The following RNF212B variants were observed in gnomAD, a reference collection of about 807,000 sequenced individuals.
RNF212B encodes ring finger protein 212B, also known as E3 ubiquitin-protein ligase RNF212B.
A neutral mutation model predicts 55.5 loss-of-function variants in RNF212B; 52 were observed. The observed-to-expected ratio is 0.94, with a 90% CI of 0.75 to 1.18. The LOEUF (loss-of-function observed/expected upper bound fraction) is 1.18, where lower values mean the gene tolerates loss of function less well. Among genes scored for constraint, RNF212B ranks in the 50% most tolerant of loss-of-function variants. The probability of loss-of-function intolerance (pLI) is 0.00; values close to 1 mark genes in which losing one functional copy is unlikely to be tolerated. For missense variants in RNF212B, 289 were observed against 350.4 expected (o/e 0.82, Z 1.40); for synonymous variants, 99 against 121.4 (o/e 0.82, Z 1.21).
chr14:23,199,801 T>C (rs1422236635), intron 2 of RNF212B, among the ~76,000 whole-genome samples: 1 of 152,154 alleles, frequency 6.6e-6, no homozygotes, highest in South Asian at 2.1e-4. Context: ...GGCAGGTATG[T>C]AAATTGGTTG....
chr14:23,262,835 A>G (rs774725197), intron 8 of RNF212B, 93 bp from the exon 9 acceptor site: 261 of 1,451,908 alleles, frequency 1.8e-4, no homozygotes, highest in Non-Finnish European at 2.2e-4. Context: ...TGAAAACATT[A>G]TATAACCAGA....
intron 14 of RNF212B, 27 bp downstream of exon 14, chr14:23,270,688 T>C: frequency 1.3e-6 from 2 of 1,499,002 alleles, no homozygotes; most frequent in Non-Finnish European, 1.8e-6. Context: ...CTAACTTGTC[T>C]GTGCATAAAA....
intron 4 of RNF212B, among the ~76,000 whole-genome samples, chr14:23,247,195 T>C (rs1160101642): frequency 6.6e-6 from 1 of 152,132 alleles, no homozygotes; most frequent in Admixed American, 6.6e-5. Context: ...TCTACTTTTT[T>C]TTTTAGGTCC....
intron 11 of RNF212B, among the ~76,000 whole-genome samples, chr14:23,265,983 G>T (rs1003905065): frequency 6.6e-6 from 1 of 151,892 alleles, no homozygotes; most frequent in African/African-American, 2.4e-5. Flanking sequence ...TTGTTCATTT[G>T]TGTTTTTTTT....
At chr14:23,193,091 T>TA (rs3045528) in intron 1 of RNF212B, among the ~76,000 whole-genome samples, 1,541 of 112,952 alleles carry the variant, frequency 0.014, 22 homozygotes, top group Middle Eastern at 0.041. Flanking sequence ...AAACTCTGTC[T>TA]AAAAAAAAAA....
chr14:23,192,955 G>A (rs1215369342), intron 1 of RNF212B, among the ~76,000 whole-genome samples: 2 of 151,954 alleles, frequency 1.3e-5, no homozygotes, highest in African/African-American at 4.8e-5. Flanking sequence ...AGCCGGGCAT[G>A]GTGGCACATG....
chr14:23,198,046 G>T (rs942176810), intron 2 of RNF212B, among the ~76,000 whole-genome samples: 1 of 152,182 alleles, frequency 6.6e-6, no homozygotes, highest in Admixed American at 6.5e-5. Flanking sequence ...AATGTCATCA[G>T]TTAAGGCTGT....
At chr14:23,210,415 C>G (rs764230589) in intron 2 of RNF212B, among the ~76,000 whole-genome samples, 1 of 152,174 alleles carries the variant, frequency 6.6e-6, no homozygotes, top group African/African-American at 2.4e-5. Context: ...GAGATTTGAA[C>G]AAAGTCTGGA....
Position 23,213,579 on chromosome 14 carries a change from C to T in RNF212B, c.-2+20178C>T, listed in dbSNP as rs548816407. Reference sequence around the variant, plus strand: ...ACTGCAGAGAGCTAAACTTCCACCCCGACTCGGCAGCAAGAAGGTGGTGGG... The same window carrying T: ...ACTGCAGAGAGCTAAACTTCCACCCTGACTCGGCAGCAAGAAGGTGGTGGG... On this transcript the variant is annotated intron_variant, in intron 2 of 15. Coordinates refer to the RNF212B transcript ENST00000399910. Among the ~76,000 whole-genome samples, 7 of 152,230 alleles carry T rather than the reference C, an allele frequency of 4.6e-5. No individual in the cohort carries two copies. The East Asian group carries it at 7.7e-4, about 17-fold the overall frequency.
intron 4 of RNF212B, among the ~76,000 whole-genome samples, chr14:23,244,898 A>G (rs1329783064): frequency 2.0e-5 from 3 of 152,184 alleles, no homozygotes; most frequent in Admixed American, 1.3e-4. Context: ...CTTGAATTTT[A>G]GGAAATATCT....
chr14:23,195,936 C>G (rs1878617813), intron 2 of RNF212B, among the ~76,000 whole-genome samples: 1 of 152,180 alleles, frequency 6.6e-6, no homozygotes. Flanking sequence ...GACTCTAAAT[C>G]TTGATTGACC....
At chr14:23,213,310 C>G (rs1218775109) in intron 2 of RNF212B, among the ~76,000 whole-genome samples, 2 of 138,446 alleles carry the variant, frequency 1.4e-5, no homozygotes, top group Non-Finnish European at 3.0e-5. Context: ...AAGACTCCGT[C>G]TTAAAAAAAA....
intron 11 of RNF212B, among the ~76,000 whole-genome samples, chr14:23,267,144 T>C (rs2140485669): frequency 6.6e-6 from 1 of 152,210 alleles, no homozygotes; most frequent in Non-Finnish European, 1.5e-5. Context: ...AGTTTTTTTA[T>C]TTCAATTTTC....
intron 2 of RNF212B, among the ~76,000 whole-genome samples, chr14:23,232,606 C>T (rs1024643678): frequency 7.3e-5 from 11 of 150,906 alleles, no homozygotes; most frequent in Non-Finnish European, 1.0e-4. Context: ...GGGGGGTCAG[C>T]CCCCGCCCGG....
chr14:23,238,466 G>T (rs2140431298), intron 1 of RNF212B, among the ~76,000 whole-genome samples: 1 of 151,992 alleles, frequency 6.6e-6, no homozygotes, highest in African/African-American at 2.4e-5. Context: ...AGTGACTCCC[G>T]CCTGTAATCC....
intron 7 of RNF212B, 46 bp downstream of exon 7, chr14:23,260,733 C>G (rs776102338): frequency 6.6e-7 from 1 of 1,521,442 alleles, no homozygotes; most frequent in Admixed American, 2.0e-5. Context: ...CTGAAAATTC[C>G]TGTTCTTTCT....
At chr14:23,257,169 T>A (rs7142071) in intron 4 of RNF212B, among the ~76,000 whole-genome samples, 7,405 of 131,552 alleles carry the variant, frequency 0.056, 623 homozygotes, top group African/African-American at 0.2. Flanking sequence ...ACAAAAAAAA[T>A]AAAATAAAAT....
chr14:23,231,480 C>A (rs1165848339), intron 2 of RNF212B, among the ~76,000 whole-genome samples: 1 of 152,162 alleles, frequency 6.6e-6, no homozygotes, highest in East Asian at 1.9e-4. Flanking sequence ...AAAATTAACT[C>A]AAATGAATCA....
At chr14:23,194,916 C>A (rs577314182) in intron 2 of RNF212B, among the ~76,000 whole-genome samples, 1 of 151,956 alleles carries the variant, frequency 6.6e-6, no homozygotes, top group Non-Finnish European at 1.5e-5. Context: ...AAAAACATTT[C>A]GATTTACTGG....
Sources: allele counts gnomAD v4.1 joint callset (sites outside exome capture counted in the v4.1 genomes callset), GRCh38; gene constraint gnomAD v4.1.1; transcripts MANE v1.5; gene names NCBI Gene and HGNC (gene_info 2026-07-23, HGNC 2026-07-21).